DYDC1: variants seen among roughly 807,000 people sequenced by gnomAD.
The protein encoded by DYDC1 is DPY30 domain-containing protein 1.
Under a neutral mutation model 27.9 loss-of-function variants are expected in DYDC1, and 21 were observed. That is an observed-to-expected ratio of 0.75 (90% CI 0.53 to 1.08). The LOEUF (loss-of-function observed/expected upper bound fraction) is 1.08, where lower values mean the gene tolerates loss of function less well. DYDC1 is among the 50% of genes least tolerant of loss of function. DYDC1 has a pLI of 0.00. For missense variants in DYDC1, 202 were observed against 205.9 expected, an observed-to-expected ratio of 0.98 and a Z score of 0.12; for synonymous variants, 67 against 65.8, an observed-to-expected ratio of 1.02 and a Z score of -0.09.
chr10:80,336,421 G>T, intron 6 of DYDC1: 1 of 885,866 alleles, frequency 1.1e-6, no homozygotes, highest in Non-Finnish European at 1.4e-6. Context: ...CATCCTTCTT[G>T]TAGGCTCCTC....
At chr10:80,351,231 C>T (rs890506286) in intron 3 of DYDC1, among the ~76,000 whole-genome samples, 6 of 152,000 alleles carry the variant, frequency 3.9e-5, no homozygotes, top group Non-Finnish European at 7.4e-5. Context: ...CCACCAACAC[C>T]ATTCTCTCCT....
At chr10:80,355,848 T>C (rs940938920) in intron 1 of DYDC1, among the ~76,000 whole-genome samples, 1 of 152,152 alleles carries the variant, frequency 6.6e-6, no homozygotes, top group Non-Finnish European at 1.5e-5. Flanking sequence ...GAGGTTGATA[T>C]TGGTGTCTCA....
intron 3 of DYDC1, 25 bp from the exon 4 acceptor site, chr10:80,342,386 T>C: frequency 6.2e-7 from 1 of 1,607,166 alleles, no homozygotes. Flanking sequence ...ATATGTCATA[T>C]TACAGTTAGA....
Position 80,352,486 on chromosome 10 carries a change from T to C in DYDC1, c.116A>G (p.Lys39Arg). The C allele has an allele frequency of 1.2e-6, 2 of 1,611,342 alleles. No homozygotes were observed. Among genetic ancestry groups the C allele is most frequent in the Non-Finnish European group, 8.5e-7 (1 of 1,178,986 alleles). Residue 39 changes from lysine (K) to arginine (R), a missense_variant, in exon 2 of 7, where the codon AAG (lysine) becomes AGG (arginine). Lys to Arg is a conservative substitution (Grantham distance 26, BLOSUM62 2). Transcript: ENST00000372202. Reference protein sequence around the residue: ...PIEYLALWIYKYKENVTMEQL... With the variant: ...PIEYLALWIYRYKENVTMEQL... Reference sequence around the variant, plus strand: ...TTCCATGGTCACATTTTCCTTATACTTGTAAATCCACAATGCTAAATATTC... The same window carrying C: ...TTCCATGGTCACATTTTCCTTATACCTGTAAATCCACAATGCTAAATATTC...
chr10:80,356,125 G>A (rs992901884), intron 1 of DYDC1: 2 of 517,506 alleles, frequency 3.9e-6, no homozygotes, highest in African/African-American at 4.2e-5. Context: ...GGGAGGCTCT[G>A]TCTCGGATTT....
At chr10:80,350,600 C>T (rs938199666) in intron 3 of DYDC1, among the ~76,000 whole-genome samples, 1 of 152,160 alleles carries the variant, frequency 6.6e-6, no homozygotes, top group African/African-American at 2.4e-5. Flanking sequence ...AAGGGGCCTG[C>T]AGTTTTCTAC....
intron 3 of DYDC1, among the ~76,000 whole-genome samples, chr10:80,344,971 C>A (rs1842523244): frequency 1.3e-5 from 2 of 152,184 alleles, no homozygotes; most frequent in Admixed American, 6.5e-5. Context: ...GCAGTGAAAT[C>A]TGCTAAGATG....
At chr10:80,351,810 G>T in intron 3 of DYDC1, 91 bp downstream of exon 3, 2 of 1,117,188 alleles carry the variant, frequency 1.8e-6, no homozygotes, top group South Asian at 1.4e-5. Flanking sequence ...TAAATAACTG[G>T]AGCTGGGAAG....
intron 3 of DYDC1, among the ~76,000 whole-genome samples, chr10:80,347,509 CA>C (rs1468861812): frequency 6.6e-6 from 1 of 152,040 alleles, no homozygotes; most frequent in Non-Finnish European, 1.5e-5. Context: ...GTGTCATACC[CA>C]AAAAATTATT....
chr10:80,336,987 T>C, intron 6 of DYDC1: 1 of 341,558 alleles, frequency 2.9e-6, no homozygotes, highest in Non-Finnish European at 4.1e-6. Context: ...CCTACTGCAC[T>C]TAAGTCCAAA....
chr10:80,345,162 A>G (rs1357584882), intron 3 of DYDC1, among the ~76,000 whole-genome samples: 1 of 152,232 alleles, frequency 6.6e-6, no homozygotes, highest in Non-Finnish European at 1.5e-5. Flanking sequence ...CAGTGTCAAC[A>G]GTGACCTTCA....
intron 3 of DYDC1, among the ~76,000 whole-genome samples, chr10:80,346,444 CTTTTTTTTTTTTTT>C (rs1032729095): frequency 3.6e-5 from 3 of 83,360 alleles, no homozygotes; most frequent in Admixed American, 1.6e-4. Context: ...TCTTCCCTTT[CTTTTTTTTTTTTTT>C]TTTTTTTTTT....
chr10:80,352,114 T>G lies in DYDC1; in HGVS notation c.148-112A>C, dbSNP rs191760998. ...ATTAGGGAAAGTGTTAAGCAAATTA[T>G]AGCCCATCCCTGTGGAAATGATATA... On this transcript the variant is annotated intron_variant, in intron 2 of 6. Transcript: ENST00000372202. 1,838 of 949,352 alleles carry G rather than the reference T, an allele frequency of 1.9e-3. 29 individuals carry two copies. Among genetic ancestry groups the G allele is most frequent in the Non-Finnish European group, 2.6e-4 (160 of 616,306 alleles). The allele number at this position is 949,352 out of a possible 1,614,324, so 58.8% of individuals were successfully genotyped here.
At chr10:80,344,313 A>G (rs1713828720) in intron 3 of DYDC1, among the ~76,000 whole-genome samples, 1 of 152,186 alleles carries the variant, frequency 6.6e-6, no homozygotes, top group South Asian at 2.1e-4. Flanking sequence ...CCAGGAAAAA[A>G]CAAACTTGTC....
At chr10:80,343,251 G>A (rs1842410528) in intron 3 of DYDC1, among the ~76,000 whole-genome samples, 1 of 152,120 alleles carries the variant, frequency 6.6e-6, no homozygotes, top group Admixed American at 6.6e-5. Context: ...CATCCTTAAA[G>A]CTTTATTGAA....
At chr10:80,353,196 C>T (rs574360697) in intron 1 of DYDC1, among the ~76,000 whole-genome samples, 1 of 152,142 alleles carries the variant, frequency 6.6e-6, no homozygotes, top group South Asian at 2.1e-4. Flanking sequence ...AATAAAAACT[C>T]AGCCTCCAAA....
At chr10:80,356,361 G>A in intron 1 of DYDC1, 5 of 985,874 alleles carry the variant, frequency 5.1e-6, no homozygotes, top group Non-Finnish European at 6.0e-6. Context: ...ACCCACACCT[G>A]GGAGACAGCT....
At chr10:80,350,478 T>C (rs1842921212) in intron 3 of DYDC1, among the ~76,000 whole-genome samples, 1 of 152,164 alleles carries the variant, frequency 6.6e-6, no homozygotes, top group African/African-American at 2.4e-5. Context: ...CTGGCCTGTT[T>C]GGATGACAGT....
intron 3 of DYDC1, among the ~76,000 whole-genome samples, chr10:80,346,867 G>T (rs1175391845): frequency 1.3e-5 from 2 of 151,580 alleles, no homozygotes; most frequent in African/African-American, 2.4e-5. Flanking sequence ...CTGAGGTCAG[G>T]AGTTCAAGAC....
Sources: gnomAD v4.1 joint callset for allele counts (sites outside exome capture counted in the v4.1 genomes callset) on GRCh38, gnomAD v4.1.1 for gene constraint, MANE v1.5 for transcripts, NCBI Gene and HGNC (gene_info 2026-07-23, HGNC 2026-07-21) for gene names.